SPATS2: variants seen among roughly 807,000 people sequenced by gnomAD.
SPATS2 encodes spermatogenesis-associated serine-rich protein 2.
SPATS2 carries 38 observed loss-of-function variants against 63.7 expected under a neutral mutation model. The observed-to-expected ratio is 0.60, with a 90% CI of 0.46 to 0.78. SPATS2 has a LOEUF of 0.78. Ranked by LOEUF, SPATS2 falls within the 30% of genes least tolerant of loss-of-function variation. SPATS2 has a pLI of 0.00. For synonymous variants in SPATS2, 207 were observed against 232.9 expected, an observed-to-expected ratio of 0.89 and a Z score of 1.01; for missense variants, 588 against 666.2, an observed-to-expected ratio of 0.88 and a Z score of 1.29.
At chr12:49,502,966 A>T (rs1946589665) in intron 9 of SPATS2, among the ~76,000 whole-genome samples, 1 of 152,206 alleles carries the variant, frequency 6.6e-6, no homozygotes, top group South Asian at 2.1e-4. Flanking sequence ...TATTTTAGGT[A>T]ACTGATTTTT....
chr12:49,455,399 C>T (rs181325108), intron 2 of SPATS2, among the ~76,000 whole-genome samples: 7 of 152,250 alleles, frequency 4.6e-5, no homozygotes, highest in Non-Finnish European at 8.8e-5. Flanking sequence ...GAACATTTAC[C>T]AAGGTCTCCT....
At chr12:49,368,456 AC>A (rs1376795300) in intron 1 of SPATS2, among the ~76,000 whole-genome samples, 1 of 152,192 alleles carries the variant, frequency 6.6e-6, no homozygotes, top group Non-Finnish European at 1.5e-5. Flanking sequence ...TTTGGAGAGA[AC>A]CAAAAGCTTG....
chr12:49,465,869 GGGAGGC>G, intron 3 of SPATS2, among the ~76,000 whole-genome samples: 1 of 152,144 alleles, frequency 6.6e-6, no homozygotes, highest in Non-Finnish European at 1.5e-5. Context: ...ACTTGAACCC[GGGAGGC>G]GGAGGTTGCA....
At chr12:49,506,715 C>T (rs1946660200) in intron 9 of SPATS2, among the ~76,000 whole-genome samples, 2 of 152,070 alleles carry the variant, frequency 1.3e-5, no homozygotes, top group Admixed American at 6.5e-5. Context: ...GGCGCAATGA[C>T]ACGTGCCCAT....
chr12:49,441,470 C>T (rs528592801), intron 2 of SPATS2, among the ~76,000 whole-genome samples: 1 of 152,258 alleles, frequency 6.6e-6, no homozygotes, highest in Admixed American at 6.5e-5. Context: ...CTGTCTTCCC[C>T]CTCTTTTAGA....
intron 2 of SPATS2, among the ~76,000 whole-genome samples, chr12:49,451,610 C>G (rs1945624911): frequency 6.6e-6 from 1 of 152,224 alleles, no homozygotes; most frequent in Non-Finnish European, 1.5e-5. Context: ...GTTGCCCAGG[C>G]TGGCCTTGGC....
At chr12:49,372,260 A>C (rs1944011303) in intron 2 of SPATS2, among the ~76,000 whole-genome samples, 1 of 151,990 alleles carries the variant, frequency 6.6e-6, no homozygotes, top group African/African-American at 2.4e-5. Flanking sequence ...GGCCAGTGTA[A>C]TCTCAAACTC....
At chr12:49,391,928 A>C (rs537896061) in intron 2 of SPATS2, among the ~76,000 whole-genome samples, 1 of 152,288 alleles carries the variant, frequency 6.6e-6, no homozygotes, top group East Asian at 1.9e-4. Context: ...TCTCAGTCAG[A>C]GGCCTTATTT....
chr12:49,394,199 T>C (rs755994783), intron 2 of SPATS2, among the ~76,000 whole-genome samples: 1 of 151,900 alleles, frequency 6.6e-6, no homozygotes, highest in African/African-American at 2.4e-5. Flanking sequence ...TTAGCCGGGC[T>C]TCATGGTGCA....
At chr12:49,395,079 TA>T (rs976891084) in intron 2 of SPATS2, among the ~76,000 whole-genome samples, 3 of 152,076 alleles carry the variant, frequency 2.0e-5, no homozygotes, top group Non-Finnish European at 4.4e-5. Flanking sequence ...TCTCGGGGGA[TA>T]AAAAAAGACA....
At chr12:49,426,875 A>G (rs57108124) in intron 2 of SPATS2, among the ~76,000 whole-genome samples, 28,575 of 152,092 alleles carry the variant, frequency 0.19, 3,696 homozygotes, top group African/African-American at 0.37. Context: ...ATGTGTTACA[A>G]TTTATCCATT....
intron 12 of SPATS2, among the ~76,000 whole-genome samples, chr12:49,523,233 G>A (rs1039382692): frequency 6.6e-6 from 1 of 152,120 alleles, no homozygotes; most frequent in African/African-American, 2.4e-5. Context: ...CCAACAACTG[G>A]AAAGGCTGAG....
chr12:49,480,718 T>G lies in SPATS2; in HGVS notation c.26-3872T>G, dbSNP rs111253938. 4.8e-4 allele frequency among the ~76,000 whole-genome samples: 73 copies of G among 152,286 alleles called. 1 individual carries two copies. Among genetic ancestry groups the G allele is most frequent in the African/African-American group, 1.7e-3 (72 of 41,576 alleles). On this transcript the variant is annotated intron_variant, in intron 3 of 13. Transcript: ENST00000552918. Reference sequence around the variant, plus strand: ...ACCAACATGTGGTTTTTATTGGGGCTGTACCATTTTACATTTCCACTAGCA... The same window carrying G: ...ACCAACATGTGGTTTTTATTGGGGCGGTACCATTTTACATTTCCACTAGCA...
At chr12:49,413,363 C>CCA (rs1462604064) in intron 2 of SPATS2, among the ~76,000 whole-genome samples, 1 of 152,050 alleles carries the variant, frequency 6.6e-6, no homozygotes, top group Non-Finnish European at 1.5e-5. Flanking sequence ...GGTAGCCAGA[C>CCA]TACTGTAACT....
intron 2 of SPATS2, among the ~76,000 whole-genome samples, chr12:49,387,463 C>T (rs1944336246): frequency 6.6e-6 from 1 of 151,514 alleles, no homozygotes; most frequent in African/African-American, 2.4e-5. Flanking sequence ...TTGGTGAAAA[C>T]CCATCTCTAC....
chr12:49,489,614 C>T, intron 5 of SPATS2, 41 bp downstream of exon 5: 1 of 1,543,718 alleles, frequency 6.5e-7, no homozygotes, highest in Non-Finnish European at 8.9e-7. Flanking sequence ...TATATTTGCT[C>T]AAATAGAATT....
In SPATS2 at chr12:49,475,431, T is replaced by C. The variant is rs570841096; in HGVS notation, c.26-9159T>C. On this transcript the variant is annotated intron_variant, in intron 3 of 13. Coordinates refer to ENST00000552918, the MANE Select transcript of SPATS2 (RefSeq NM_023071.4). ...TACTGGTGTACTGGTAGAATTCTTG[T>C]TGTTGTTGTTGTTGTTGTTGTTGTT... 2.7e-5 allele frequency among the ~76,000 whole-genome samples: 4 copies of C among 150,490 alleles called. No homozygotes were observed. The East Asian group carries it at 7.7e-4, about 29-fold the overall frequency.
At chr12:49,427,895 TAG>T (rs1390441797) in intron 2 of SPATS2, among the ~76,000 whole-genome samples, 1 of 152,182 alleles carries the variant, frequency 6.6e-6, no homozygotes, top group Non-Finnish European at 1.5e-5. Flanking sequence ...TCAGTATTTC[TAG>T]AGTCTTCTTG....
At chr12:49,436,487 C>T (rs1341575880) in intron 2 of SPATS2, among the ~76,000 whole-genome samples, 1 of 138,638 alleles carries the variant, frequency 7.2e-6, no homozygotes, top group Non-Finnish European at 1.6e-5. Flanking sequence ...GCAGAGGCGC[C>T]CCTTACCTCC....
Sources: gnomAD v4.1 joint callset for allele counts (sites outside exome capture counted in the v4.1 genomes callset) on GRCh38, gnomAD v4.1.1 for gene constraint, MANE v1.5 for transcripts, NCBI Gene and HGNC (gene_info 2026-07-23, HGNC 2026-07-21) for gene names.